CACNG3: variants seen among roughly 807,000 people sequenced by gnomAD.
CACNG3 encodes voltage-dependent calcium channel gamma-3 subunit.
CACNG3 carries 3 observed loss-of-function variants against 28.5 expected under a neutral mutation model. That is an observed-to-expected ratio of 0.11 (90% confidence interval 0.05 to 0.27). CACNG3 has a LOEUF of 0.27. CACNG3 is among the 10% of genes least tolerant of loss of function. The probability of loss-of-function intolerance (pLI) is 1.00; values close to 1 mark genes in which losing one functional copy is unlikely to be tolerated. For synonymous variants in CACNG3, 174 were observed against 162.2 expected (o/e 1.07, Z -0.55); for missense variants, 236 against 414.4 (o/e 0.57, Z 3.74).
intron 1 of CACNG3, among the ~76,000 whole-genome samples, chr16:24,345,449 C>T (rs1041691220): frequency 9.9e-5 from 15 of 152,144 alleles, no homozygotes; most frequent in African/African-American, 1.7e-4. Flanking sequence ...GCCTGTAATC[C>T]CAGCACATTG....
At chr16:24,343,931 T>G (rs951827751) in intron 1 of CACNG3, among the ~76,000 whole-genome samples, 1 of 151,610 alleles carries the variant, frequency 6.6e-6, no homozygotes, top group African/African-American at 2.4e-5. Context: ...CTACTAGAAA[T>G]ACAAAAAATT....
chr16:24,256,348 G>T lies in CACNG3; in HGVS notation c.-407G>T. ...ACACACACACACACACTCACACAGA[G>T]ACCTCTCTGGGTTTCTTTGCCTTGA... On this transcript the variant is annotated 5_prime_UTR_variant, in exon 1 of 4. Coordinates refer to ENST00000005284, the MANE Select transcript of CACNG3 (RefSeq NM_006539.4). This position sits in a 1 kb window ranked among gnomAD's most constrained non-coding sequence, Gnocchi z 4.6. 4.0e-6 allele frequency: 1 copy of T among 251,490 alleles called. No homozygotes were observed. Among genetic ancestry groups the T allele is most frequent in the South Asian group, 5.4e-5 (1 of 18,588 alleles). The allele number at this position is 251,490 out of a possible 1,614,324, so 15.6% of individuals were successfully genotyped here.
intron 1 of CACNG3, among the ~76,000 whole-genome samples, chr16:24,343,425 C>T (rs911684860): frequency 2.0e-5 from 3 of 152,080 alleles, no homozygotes; most frequent in Non-Finnish European, 2.9e-5. Context: ...TGAAATCTTT[C>T]GTGGAAAACA....
At chr16:24,308,101 A>C (rs80009596) in intron 1 of CACNG3, among the ~76,000 whole-genome samples, 1,554 of 152,264 alleles carry the variant, frequency 0.01, 28 homozygotes, top group African/African-American at 0.034. Context: ...CCAACACTTA[A>C]TTGCATCCAA....
intron 1 of CACNG3, among the ~76,000 whole-genome samples, chr16:24,276,633 C>T (rs763722869): frequency 3.9e-5 from 6 of 152,202 alleles, no homozygotes; most frequent in African/African-American, 7.2e-5. Context: ...TGCAGCTAAG[C>T]TAAGTCATTG....
At chr16:24,319,595 T>A (rs1184327470) in intron 1 of CACNG3, among the ~76,000 whole-genome samples, 2 of 80,766 alleles carry the variant, frequency 2.5e-5, no homozygotes, top group East Asian at 7.6e-4. Flanking sequence ...GCCTGGCTTT[T>A]ATTTATTTAT....
chr16:24,271,212 G>T (rs972198017), intron 1 of CACNG3, among the ~76,000 whole-genome samples: 1 of 152,170 alleles, frequency 6.6e-6, no homozygotes, highest in Admixed American at 6.5e-5. Flanking sequence ...GACCTCCCTT[G>T]TTCTCTCAGA....
intron 1 of CACNG3, among the ~76,000 whole-genome samples, chr16:24,280,798 G>T (rs945939043): frequency 3.1e-5 from 4 of 127,544 alleles, no homozygotes; most frequent in African/African-American, 1.2e-4. Context: ...CTCCAGCCTG[G>T]GTGACAGAGC....
chr16:24,361,962 C>G lies in CACNG3; in HGVS notation c.*99C>G. The G allele has an allele frequency of 8.0e-7, 1 of 1,251,378 alleles. No individual in the cohort carries two copies. Among genetic ancestry groups the G allele is most frequent in the South Asian group, 1.5e-5 (1 of 66,804 alleles). The allele number at this position is 1,251,378 out of a possible 1,614,324, so 77.5% of individuals were successfully genotyped here. ...TGGCATGGTCCTTGTGATGGTATTA[C>G]TTTTTACAAAGAATGAAACCAAATG... On this transcript the variant is annotated 3_prime_UTR_variant, in exon 4 of 4. Transcript: ENST00000005284. This position sits in a 1 kb window ranked among gnomAD's most constrained non-coding sequence, Gnocchi z 6.8.
At chr16:24,317,652 G>GAAAGGA in intron 1 of CACNG3, among the ~76,000 whole-genome samples, 3 of 41,958 alleles carry the variant, frequency 7.2e-5, no homozygotes, top group African/African-American at 3.5e-4. Flanking sequence ...GAAAAGAAAA[G>GAAAGGA]AAAGAAAGAA....
rs1567214272 is a variant in CACNG3 at position 24,305,004 on chromosome 16, CG to C, written c.212-41729del. On this transcript the variant is annotated intron_variant, in intron 1 of 3. Coordinates refer to ENST00000005284, the MANE Select transcript of CACNG3 (RefSeq NM_006539.4). ...AATTACTTTCCTCCATTGGTCTCCACGCACATCCTTTGTGGAGAATCCAGAG... is the reference window on the plus strand; with the variant it reads ...AATTACTTTCCTCCATTGGTCTCCACCACATCCTTTGTGGAGAATCCAGAG... Among the ~76,000 whole-genome samples, 3 of 152,310 alleles carry C rather than the reference CG, an allele frequency of 2.0e-5. No homozygotes were observed. In the East Asian group the frequency reaches 5.8e-4, roughly 29 times the overall value.
At chr16:24,268,489 A>T (rs1321084669) in intron 1 of CACNG3, among the ~76,000 whole-genome samples, 1 of 152,220 alleles carries the variant, frequency 6.6e-6, no homozygotes, top group African/African-American at 2.4e-5. Flanking sequence ...GCTCTGAACC[A>T]TTCAACCACT....
intron 1 of CACNG3, among the ~76,000 whole-genome samples, chr16:24,329,148 A>C (rs947364078): frequency 1.3e-5 from 2 of 152,212 alleles, no homozygotes; most frequent in African/African-American, 4.8e-5. Context: ...GGAGGCGTCC[A>C]GGTCTTTACC....
intron 1 of CACNG3, among the ~76,000 whole-genome samples, chr16:24,275,498 G>A (rs535248046): frequency 1.3e-5 from 2 of 152,292 alleles, no homozygotes; most frequent in Admixed American, 1.3e-4. Flanking sequence ...GTATGCTAGT[G>A]GTCTCAAGCA....
intron 2 of CACNG3, among the ~76,000 whole-genome samples, chr16:24,352,903 T>A (rs1461086300): frequency 6.6e-6 from 1 of 152,232 alleles, no homozygotes; most frequent in Non-Finnish European, 1.5e-5. Context: ...GCCCCACCCT[T>A]GGTTCCATGT....
chr16:24,321,979 G>A (rs62029056), intron 1 of CACNG3, among the ~76,000 whole-genome samples: 3,544 of 152,262 alleles, frequency 0.023, 55 homozygotes, highest in Middle Eastern at 0.058. Flanking sequence ...GGGGGTCTTG[G>A]AATGTATCCC....
chr16:24,274,940 C>T (rs1334940856), intron 1 of CACNG3, among the ~76,000 whole-genome samples: 3 of 152,064 alleles, frequency 2.0e-5, no homozygotes, highest in Admixed American at 6.6e-5. Context: ...ATCGGAAAAC[C>T]GCTGTCCTCA....
intron 1 of CACNG3, among the ~76,000 whole-genome samples, chr16:24,339,190 G>A (rs1002794192): frequency 6.6e-6 from 1 of 152,070 alleles, no homozygotes; most frequent in African/African-American, 2.4e-5. Flanking sequence ...GTAATGGACT[G>A]TTTCTTGTTT....
At chr16:24,324,049 C>T (rs1456923653) in intron 1 of CACNG3, among the ~76,000 whole-genome samples, 1 of 152,188 alleles carries the variant, frequency 6.6e-6, no homozygotes, top group Non-Finnish European at 1.5e-5. Context: ...GTTGGGATTA[C>T]AGACGTGAGA....
Sources: gnomAD v4.1 joint callset for allele counts (sites outside exome capture counted in the v4.1 genomes callset) on GRCh38, gnomAD v4.1.1 for gene constraint, Gnocchi (gnomAD v3.1) non-coding constraint, MANE v1.5 for transcripts, NCBI Gene and HGNC (gene_info 2026-07-23, HGNC 2026-07-21) for gene names.